The following ADAMTS12 variants were observed in gnomAD, a reference collection of about 807,000 sequenced individuals.
ADAMTS12 encodes the protein ADAM metallopeptidase with thrombospondin type 1 motif 12.
In ADAMTS12, 118 loss-of-function variants were observed where a neutral mutation model predicts 167.8. The observed-to-expected ratio is 0.70, with a 90% CI of 0.61 to 0.82. ADAMTS12 has a LOEUF of 0.82. ADAMTS12 is among the 40% of genes least tolerant of loss of function. The probability of loss-of-function intolerance (pLI) is 0.00; values close to 1 mark genes in which losing one functional copy is unlikely to be tolerated. For synonymous variants in ADAMTS12, 704 were observed against 716.9 expected (o/e 0.98, Z 0.29); for missense variants, 1,916 against 1,998.8 (o/e 0.96, Z 0.79).
chr5:33,694,261 T>C (rs4866365), intron 3 of ADAMTS12, among the ~76,000 whole-genome samples: 34,142 of 152,148 alleles, frequency 0.22, 4,002 homozygotes, highest in East Asian at 0.42. Context: ...ATTTCTTCTC[T>C]AATTCTTTTA....
chr5:33,527,104 C>G lies in ADAMTS12; in HGVS notation c.*84G>C, dbSNP rs1418382397. 1 of 1,518,550 alleles carries G rather than the reference C, an allele frequency of 6.6e-7. No homozygotes were observed. The highest frequency in any genetic ancestry group is 2.3e-5 in the East Asian group (1 of 44,080). The allele number at this position is 1,518,550 out of a possible 1,614,324, so 94.1% of individuals were successfully genotyped here. A position where few individuals can be genotyped will look rare whatever the true frequency, so the allele number is the denominator to read the frequency against. ...TGAATCTGAAATATATGAAGCAAAACCTCAACGAAGCAGCTCCCAGGGCTA... is the reference window on the plus strand; with the variant it reads ...TGAATCTGAAATATATGAAGCAAAAGCTCAACGAAGCAGCTCCCAGGGCTA... On this transcript the variant is annotated 3_prime_UTR_variant, in exon 24 of 24. Coordinates refer to ENST00000504830, the MANE Select transcript of ADAMTS12 (RefSeq NM_030955.4).
chr5:33,612,887 T>C (rs1165143036), intron 16 of ADAMTS12, among the ~76,000 whole-genome samples: 2 of 152,240 alleles, frequency 1.3e-5, no homozygotes, highest in Non-Finnish European at 2.9e-5. Flanking sequence ...GTTAGCATTG[T>C]TAAATATCAC....
At chr5:33,533,150 GT>G (rs1451407786) in intron 23 of ADAMTS12, among the ~76,000 whole-genome samples, 1 of 152,148 alleles carries the variant, frequency 6.6e-6, no homozygotes, top group Non-Finnish European at 1.5e-5. Context: ...ATTTAACCCT[GT>G]TTTGATTATT....
chr5:33,630,647 G>A (rs4262111), intron 13 of ADAMTS12, 133 bp downstream of exon 13: 174,540 of 963,218 alleles, frequency 0.18, 18,708 homozygotes, highest in African/African-American at 0.42. Context: ...TTATCTTTTC[G>A]TTTCATGAAC....
chr5:33,844,959 T>A (rs1249363379), intron 2 of ADAMTS12, among the ~76,000 whole-genome samples: 3 of 152,170 alleles, frequency 2.0e-5, no homozygotes, highest in Admixed American at 2.0e-4. Flanking sequence ...CCCGATAATT[T>A]CTGAAATTTT....
chr5:33,871,141 C>G (rs1380151452), intron 2 of ADAMTS12, among the ~76,000 whole-genome samples: 1 of 151,938 alleles, frequency 6.6e-6, no homozygotes, highest in Non-Finnish European at 1.5e-5. Context: ...CACAACTCAC[C>G]CAAAATGAAA....
At chr5:33,539,232 A>G (rs1744566336) in intron 22 of ADAMTS12, among the ~76,000 whole-genome samples, 1 of 152,156 alleles carries the variant, frequency 6.6e-6, no homozygotes, top group African/African-American at 2.4e-5. Context: ...GTGAGCCACC[A>G]CACCTGGCCA....
At chr5:33,545,106 C>T (rs1453687399) in intron 22 of ADAMTS12, among the ~76,000 whole-genome samples, 1 of 152,126 alleles carries the variant, frequency 6.6e-6, no homozygotes, top group Non-Finnish European at 1.5e-5. Context: ...TTGCAATCTA[C>T]CCATCTGACA....
chr5:33,764,062 A>G (rs1745446884), intron 2 of ADAMTS12, among the ~76,000 whole-genome samples: 1 of 152,208 alleles, frequency 6.6e-6, no homozygotes, highest in Admixed American at 6.5e-5. Context: ...GGCTTCTTCT[A>G]TAAAACCAGA....
intron 3 of ADAMTS12, among the ~76,000 whole-genome samples, chr5:33,739,470 T>C (rs200981025): frequency 7.0e-6 from 1 of 143,354 alleles, no homozygotes; most frequent in South Asian, 2.5e-4. Flanking sequence ...TGTGTATGTG[T>C]ATGTGCATGT....
At chr5:33,546,312 A>G in intron 21 of ADAMTS12, 110 bp from the exon 22 acceptor site, 2 of 1,018,212 alleles carry the variant, frequency 2.0e-6, no homozygotes, top group South Asian at 3.3e-5. Flanking sequence ...TACTAGGAAT[A>G]TTGGTATCTG....
At chr5:33,723,287 C>A (rs144646225) in intron 3 of ADAMTS12, among the ~76,000 whole-genome samples, 1 of 152,180 alleles carries the variant, frequency 6.6e-6, no homozygotes, top group Non-Finnish European at 1.5e-5. Context: ...CTCTTATTCT[C>A]CCTTTTGTGT....
intron 2 of ADAMTS12, among the ~76,000 whole-genome samples, chr5:33,836,931 T>C (rs1748549960): frequency 6.6e-6 from 1 of 152,066 alleles, no homozygotes. Context: ...TTTTTTTCTT[T>C]ACAGGCAGGG....
At chr5:33,869,947 A>T (rs1319033113) in intron 2 of ADAMTS12, among the ~76,000 whole-genome samples, 1 of 152,174 alleles carries the variant, frequency 6.6e-6, no homozygotes, top group Non-Finnish European at 1.5e-5. Context: ...GCCATTTTAG[A>T]GGCCCTCCCT....
intron 2 of ADAMTS12, among the ~76,000 whole-genome samples, chr5:33,822,386 C>T (rs1051431242): frequency 6.6e-5 from 10 of 152,262 alleles, no homozygotes; most frequent in Admixed American, 4.6e-4. Context: ...TTAGTTCTGG[C>T]TTTAGTTCTG....
chr5:33,578,645 T>C (rs1373390464), intron 18 of ADAMTS12, among the ~76,000 whole-genome samples: 1 of 152,242 alleles, frequency 6.6e-6, no homozygotes, highest in African/African-American at 2.4e-5. Context: ...TGCATTTAGA[T>C]TAAGTTCCTT....
At chr5:33,617,530 C>T (rs1033934651) in intron 14 of ADAMTS12, among the ~76,000 whole-genome samples, 2 of 152,152 alleles carry the variant, frequency 1.3e-5, no homozygotes, top group African/African-American at 4.8e-5. Context: ...TAATTAAGTT[C>T]CATTTGGCTC....
chr5:33,680,350 A>C (rs1742063382), intron 5 of ADAMTS12, among the ~76,000 whole-genome samples: 2 of 152,154 alleles, frequency 1.3e-5, no homozygotes, highest in South Asian at 2.1e-4. Context: ...GAATGAAGAG[A>C]CATGGAGTTT....
At position 33,534,835 on chromosome 5, in the gene ADAMTS12, G is replaced by T; in HGVS notation, c.4604C>A (p.Ala1535Asp). 1 of 1,611,630 alleles carries T rather than the reference G, an allele frequency of 6.2e-7. No individual in the cohort carries two copies. Among genetic ancestry groups the T allele is most frequent in the Non-Finnish European group, 8.5e-7 (1 of 1,179,152 alleles). The change falls in exon 23 of 24, where the codon GCC becomes GAC. Residue 1535 changes from alanine (A) to aspartate (D), a missense_variant and splice_region_variant. Coordinates refer to ENST00000504830, the MANE Select transcript of ADAMTS12 (RefSeq NM_030955.4). ...CCCGAGCAAACCCATTCACCCACCG[G>T]CACTTTTCTTGCAGGCCTGCTGGTT... ...KCNQQACKKS[A>D]DLLCTKDKLS...
Sources: allele counts gnomAD v4.1 joint callset (sites outside exome capture counted in the v4.1 genomes callset), GRCh38; gene constraint gnomAD v4.1.1; transcripts MANE v1.5; gene names NCBI Gene and HGNC (gene_info 2026-07-23, HGNC 2026-07-21).